Variants in KCNIP4 observed in about 807,000 individuals in gnomAD.
The protein encoded by KCNIP4 is Kv channel-interacting protein 4.
KCNIP4 carries 12 observed loss-of-function variants against 34.0 expected under a neutral mutation model. The ratio of observed to expected loss-of-function variants is 0.35; its 90% confidence interval spans 0.23 to 0.57. The LOEUF (loss-of-function observed/expected upper bound fraction) is 0.57. Among genes scored for constraint, KCNIP4 ranks in the 20% least tolerant of loss-of-function variants. The probability of loss-of-function intolerance (pLI) is 0.83; values close to 1 mark genes in which losing one functional copy is unlikely to be tolerated. For synonymous variants in KCNIP4, 124 were observed against 102.2 expected (o/e 1.21, Z -1.29); for missense variants, 238 against 311.7 (o/e 0.76, Z 1.78).
chr4:20,971,757 G>C (rs1734972805), intron 1 of KCNIP4, among the ~76,000 whole-genome samples: 1 of 152,146 alleles, frequency 6.6e-6, no homozygotes, highest in South Asian at 2.1e-4. Context: ...CTTAAAATAA[G>C]ACAATGAAAT....
At chr4:21,025,543 GT>G (rs772689134) in intron 1 of KCNIP4, among the ~76,000 whole-genome samples, 63 of 34,776 alleles carry the variant, frequency 1.8e-3, no homozygotes, top group African/African-American at 5.7e-3. Flanking sequence ...CATTGATACT[GT>G]TTTTTTTTTT....
intron 1 of KCNIP4, among the ~76,000 whole-genome samples, chr4:21,344,546 A>G (rs543985445): frequency 6.6e-6 from 1 of 152,156 alleles, no homozygotes; most frequent in African/African-American, 2.4e-5. Flanking sequence ...ATCCAAAGAA[A>G]AAAATGGAAT....
intron 1 of KCNIP4, among the ~76,000 whole-genome samples, chr4:21,754,612 A>G (rs1048691742): frequency 2.0e-5 from 3 of 152,230 alleles, no homozygotes; most frequent in African/African-American, 7.2e-5. Flanking sequence ...CTTCTGGAGC[A>G]GAAAGCCTGG....
At chr4:21,069,248 T>G (rs1744679357) in intron 1 of KCNIP4, among the ~76,000 whole-genome samples, 1 of 152,126 alleles carries the variant, frequency 6.6e-6, no homozygotes, top group African/African-American at 2.4e-5. Context: ...TAACGTGTGC[T>G]GCTTTGAAGT....
intron 1 of KCNIP4, among the ~76,000 whole-genome samples, chr4:21,820,285 GTATATATA>G (rs869204752): frequency 5.8e-3 from 120 of 20,664 alleles, no homozygotes; most frequent in South Asian, 0.023. Context: ...GTGTGTGTGT[GTATATATA>G]TATATATATA....
chr4:21,423,064 G>A (rs1213267830), intron 1 of KCNIP4, among the ~76,000 whole-genome samples: 3 of 152,084 alleles, frequency 2.0e-5, no homozygotes, highest in African/African-American at 7.2e-5. Context: ...GGCCCAGATG[G>A]GACCAATCAC....
chr4:21,945,564 T>A (rs1489857713), intron 1 of KCNIP4, among the ~76,000 whole-genome samples: 1 of 152,124 alleles, frequency 6.6e-6, no homozygotes, highest in African/African-American at 2.4e-5. Flanking sequence ...ATTGAAGACA[T>A]TTTTTTACTC....
chr4:21,563,655 C>T (rs1739628371), intron 1 of KCNIP4, among the ~76,000 whole-genome samples: 1 of 151,984 alleles, frequency 6.6e-6, no homozygotes, highest in South Asian at 2.1e-4. Context: ...AGGAGAGACA[C>T]ATAAAATATG....
chr4:21,742,095 T>C (rs1455692742), intron 1 of KCNIP4, among the ~76,000 whole-genome samples: 1 of 152,034 alleles, frequency 6.6e-6, no homozygotes, highest in East Asian at 1.9e-4. Flanking sequence ...ATGTTTCTTC[T>C]CCATAAATAA....
intron 1 of KCNIP4, among the ~76,000 whole-genome samples, chr4:21,742,700 A>G (rs908052235): frequency 6.6e-6 from 1 of 152,178 alleles, no homozygotes; most frequent in Non-Finnish European, 1.5e-5. Flanking sequence ...GAAATACAAC[A>G]AGACTTAGTC....
intron 1 of KCNIP4, among the ~76,000 whole-genome samples, chr4:21,693,748 G>A (rs1711954121): frequency 6.6e-6 from 1 of 152,110 alleles, no homozygotes; most frequent in South Asian, 2.1e-4. Context: ...TTGATGGAAT[G>A]ATGAATTCTT....
chr4:21,416,435 T>A (rs1023233379), intron 1 of KCNIP4, among the ~76,000 whole-genome samples: 1 of 152,296 alleles, frequency 6.6e-6, no homozygotes, highest in African/African-American at 2.4e-5. Context: ...TTGATAGCTA[T>A]TAAATTAGGT....
chr4:21,863,970 C>T (rs1455877185), intron 1 of KCNIP4, among the ~76,000 whole-genome samples: 1 of 152,166 alleles, frequency 6.6e-6, no homozygotes, highest in African/African-American at 2.4e-5. Context: ...AACAATTAGT[C>T]TTTGATTTTC....
rs755516734 is a variant in KCNIP4 at position 20,731,995 on chromosome 4, T to G, written c.705+11A>C. The G allele has an allele frequency of 4.3e-6, 7 of 1,613,028 alleles. No homozygotes were observed. Among genetic ancestry groups the G allele is most frequent in the Non-Finnish European group, 5.9e-6 (7 of 1,179,690 alleles). On this transcript the variant is annotated intron_variant, in intron 8 of 8. Coordinates refer to ENST00000382152, the MANE Select transcript of KCNIP4 (RefSeq NM_025221.6). ...AGCTGAATTGATAGTTATTACACTT[T>G]CATTACTTACTTTTTGGCAGCTTTC... is the stretch of plus-strand genomic sequence containing the variant.
Position 21,750,406 on chromosome 4 carries a change from T to C in KCNIP4, c.61+198165A>G, listed in dbSNP as rs146341507. ...AAGTCTACGGTAAGAACACATCTTC[T>C]ATCCACGAAACTGGAGTGACACCAG... is the stretch of plus-strand genomic sequence containing the variant. On this transcript the variant is annotated intron_variant, in intron 1 of 8. Coordinates refer to ENST00000382152, the MANE Select transcript of KCNIP4 (RefSeq NM_025221.6). Among the ~76,000 whole-genome samples, 1,330 of 152,260 alleles carry C rather than the reference T, an allele frequency of 8.7e-3. 19 individuals carry two copies. Among genetic ancestry groups the C allele is most frequent in the South Asian group, 0.039 (188 of 4,826 alleles).
At chr4:21,454,144 T>C (rs1728734133) in intron 1 of KCNIP4, among the ~76,000 whole-genome samples, 2 of 152,054 alleles carry the variant, frequency 1.3e-5, no homozygotes, top group African/African-American at 4.8e-5. Context: ...GGCACCTCTA[T>C]CATTAAGCTA....
intron 1 of KCNIP4, among the ~76,000 whole-genome samples, chr4:21,383,055 CAGA>C (rs1450510714): frequency 1.3e-5 from 2 of 152,086 alleles, no homozygotes; most frequent in Admixed American, 1.3e-4. Context: ...TGCCTATTGT[CAGA>C]AGAAGAAATC....
At chr4:21,403,671 C>T (rs1473156162) in intron 1 of KCNIP4, among the ~76,000 whole-genome samples, 1 of 152,202 alleles carries the variant, frequency 6.6e-6, no homozygotes, top group Non-Finnish European at 1.5e-5. Flanking sequence ...CCACAGACTG[C>T]ATAATTTATA....
At chr4:20,914,678 G>A (rs574021661) in intron 1 of KCNIP4, among the ~76,000 whole-genome samples, 4 of 152,252 alleles carry the variant, frequency 2.6e-5, no homozygotes, top group South Asian at 2.1e-4. Context: ...TTGAATGGCT[G>A]GTCCCAGGGT....
Sources: allele counts gnomAD v4.1 joint callset (sites outside exome capture counted in the v4.1 genomes callset), GRCh38; gene constraint gnomAD v4.1.1; transcripts MANE v1.5; gene names NCBI Gene and HGNC (gene_info 2026-07-23, HGNC 2026-07-21).